ZNF521: variants seen among roughly 807,000 people sequenced by gnomAD.
The protein encoded by ZNF521 is zinc finger protein 521.
ZNF521 carries 14 observed loss-of-function variants against 105.5 expected under a neutral mutation model. That is an observed-to-expected ratio of 0.13 (90% CI 0.09 to 0.21). The LOEUF is 0.21. ZNF521 is among the 10% of genes least tolerant of loss of function. ZNF521 has a pLI of 1.00. For missense variants in ZNF521, 1,233 were observed against 1,629.7 expected, an observed-to-expected ratio of 0.76 and a Z score of 4.19; for synonymous variants, 635 against 606.0, an observed-to-expected ratio of 1.05 and a Z score of -0.70.
intron 3 of ZNF521, among the ~76,000 whole-genome samples, chr18:25,247,565 A>AT (rs1162154214): frequency 1.3e-5 from 2 of 152,138 alleles, no homozygotes; most frequent in South Asian, 2.1e-4. Flanking sequence ...TTAGATTAGT[A>AT]TTTTTTTGAA....
At chr18:25,331,233 A>T (rs183607563) in intron 2 of ZNF521, among the ~76,000 whole-genome samples, 1 of 152,210 alleles carries the variant, frequency 6.6e-6, no homozygotes. Context: ...TCCATTTTAC[A>T]TAAGAAAGAT....
intron 4 of ZNF521, among the ~76,000 whole-genome samples, chr18:25,205,806 C>T (rs903108933): frequency 4.6e-5 from 7 of 152,064 alleles, no homozygotes; most frequent in African/African-American, 1.7e-4. Context: ...TTTATGAGTA[C>T]TTGATATCAT....
At chr18:25,120,596 A>AC (rs2034417740) in intron 5 of ZNF521, among the ~76,000 whole-genome samples, 6 of 146,838 alleles carry the variant, frequency 4.1e-5, no homozygotes, top group African/African-American at 7.6e-5. Flanking sequence ...AAAAAAAAAA[A>AC]AAAAAACCAC....
At chr18:25,172,030 G>C (rs578192439) in intron 5 of ZNF521, among the ~76,000 whole-genome samples, 4 of 151,950 alleles carry the variant, frequency 2.6e-5, no homozygotes, top group South Asian at 4.2e-4. Flanking sequence ...TCTCTTTTGG[G>C]GGGGAAGAGG....
intron 4 of ZNF521, among the ~76,000 whole-genome samples, chr18:25,217,567 G>A (rs1019082539): frequency 6.6e-6 from 1 of 152,120 alleles, no homozygotes; most frequent in African/African-American, 2.4e-5. Context: ...AAGGTTTCCT[G>A]GATGAAAAAT....
chr18:25,124,284 GA>G (rs1555636494), intron 5 of ZNF521, among the ~76,000 whole-genome samples: 1 of 152,070 alleles, frequency 6.6e-6, no homozygotes, highest in Non-Finnish European at 1.5e-5. Flanking sequence ...AGGTGGGGAA[GA>G]ACTAAAGTAA....
chr18:25,085,807 T>A (rs1332294662), intron 7 of ZNF521, among the ~76,000 whole-genome samples: 1 of 152,038 alleles, frequency 6.6e-6, no homozygotes, highest in Non-Finnish European at 1.5e-5. Flanking sequence ...AAATGCTTCA[T>A]ATTTTCAACT....
At chr18:25,136,225 T>C (rs2034730671) in intron 5 of ZNF521, among the ~76,000 whole-genome samples, 1 of 152,206 alleles carries the variant, frequency 6.6e-6, no homozygotes, top group South Asian at 2.1e-4. Flanking sequence ...TAGTGATTTG[T>C]TGATATTATG....
chr18:25,257,962 T>C (rs767100976), intron 3 of ZNF521, among the ~76,000 whole-genome samples: 36 of 152,116 alleles, frequency 2.4e-4, no homozygotes, highest in Non-Finnish European at 4.6e-4. Context: ...TGTGCACAAA[T>C]ACACATACAG....
At chr18:25,098,402 G>A (rs2033897397) in intron 5 of ZNF521, among the ~76,000 whole-genome samples, 1 of 151,870 alleles carries the variant, frequency 6.6e-6, no homozygotes, top group African/African-American at 2.4e-5. Flanking sequence ...AGAAAACATG[G>A]TGCCTACAAA....
chr18:25,207,685 C>T (rs1262452748), intron 4 of ZNF521, among the ~76,000 whole-genome samples: 1 of 152,114 alleles, frequency 6.6e-6, no homozygotes, highest in Admixed American at 6.5e-5. Flanking sequence ...TAAAAGTAAA[C>T]GTTTTCAGAA....
Position 25,227,536 on chromosome 18 carries a change from T to C in ZNF521, c.382A>G (p.Ser128Gly). 1 of 1,614,168 alleles carries C rather than the reference T, an allele frequency of 6.2e-7. No homozygotes were observed. Among genetic ancestry groups the C allele is most frequent in the South Asian group, 1.1e-5 (1 of 91,082 alleles). Residue 128 changes from serine to glycine, a missense_variant, in exon 4 of 8, where the codon AGC becomes GGC. Physicochemically the swap from Ser to Gly is moderately conservative, Grantham distance 56 (BLOSUM62 0). Transcript: ENST00000361524. This position sits in a 1 kb window ranked among gnomAD's most constrained non-coding sequence, Gnocchi z 5.7. ...TGGTGCTTTAGGTAGCTGAGGCGGC[T>C]AAACGACTTGTCACAGAATTGACAC... Reference protein sequence around the residue: ...YPCQFCDKSFSRLSYLKHHEQ... With the variant: ...YPCQFCDKSFGRLSYLKHHEQ...
intron 4 of ZNF521, chr18:25,224,031 C>T (rs1242122620): frequency 3.3e-6 from 1 of 299,234 alleles, no homozygotes; most frequent in African/African-American, 2.1e-5. Flanking sequence ...GGGATTTCAA[C>T]TCACGGTGAA....
chr18:25,132,924 G>A (rs544568869), intron 5 of ZNF521, among the ~76,000 whole-genome samples: 4 of 152,150 alleles, frequency 2.6e-5, no homozygotes, highest in South Asian at 2.1e-4. Context: ...AAATTCTACC[G>A]TCTGCCCCGA....
rs78075966 is a variant in ZNF521 at position 25,204,926 on chromosome 18, G to T, written c.3574-9682C>A. Reference sequence around the variant, plus strand: ...CTACCTGAATAAAATCTCCCATAGTGTTTTCCACAGAGTAGGCAGTCAATA... The same window carrying T: ...CTACCTGAATAAAATCTCCCATAGTTTTTTCCACAGAGTAGGCAGTCAATA... On this transcript the variant is annotated intron_variant, in intron 4 of 7. Coordinates refer to ENST00000361524, the MANE Select transcript of ZNF521 (RefSeq NM_015461.3). Among the ~76,000 whole-genome samples, 1,432 of 152,118 alleles carry T rather than the reference G, an allele frequency of 9.4e-3. 26 individuals carry two copies. The highest frequency in any genetic ancestry group is 0.033 in the African/African-American group (1,354 of 41,488).
At chr18:25,165,293 T>C (rs1433868252) in intron 5 of ZNF521, among the ~76,000 whole-genome samples, 1 of 152,206 alleles carries the variant, frequency 6.6e-6, no homozygotes, top group Non-Finnish European at 1.5e-5. Flanking sequence ...TGCAGGCTCT[T>C]GTCTTCACCT....
intron 5 of ZNF521, among the ~76,000 whole-genome samples, chr18:25,129,615 T>C (rs1207060880): frequency 6.6e-6 from 1 of 151,986 alleles, no homozygotes; most frequent in Non-Finnish European, 1.5e-5. Flanking sequence ...AAATATGTAA[T>C]AGTCTTAAGA....
chr18:25,298,152 G>C (rs1027796434), intron 3 of ZNF521, among the ~76,000 whole-genome samples: 1 of 152,182 alleles, frequency 6.6e-6, no homozygotes, highest in African/African-American at 2.4e-5. Flanking sequence ...GCACAGACTA[G>C]TCTTCAGTTT....
chr18:25,267,056 C>T (rs897780946), intron 3 of ZNF521, among the ~76,000 whole-genome samples: 20 of 152,126 alleles, frequency 1.3e-4, no homozygotes, highest in African/African-American at 1.9e-4. Flanking sequence ...GCACAGCAGT[C>T]GAAGGTTGAC....
Sources: allele counts gnomAD v4.1 joint callset (sites outside exome capture counted in the v4.1 genomes callset), GRCh38; gene constraint gnomAD v4.1.1; non-coding constraint Gnocchi (gnomAD v3.1); transcripts MANE v1.5; gene names NCBI Gene and HGNC (gene_info 2026-07-23, HGNC 2026-07-21).